ZNF490: variants seen among roughly 807,000 people sequenced by gnomAD.
The protein encoded by ZNF490 is zinc finger protein 490.
A neutral mutation model predicts 17.7 loss-of-function variants in ZNF490; 11 were observed. The observed-to-expected ratio is 0.62, with a 90% CI of 0.39 to 1.03. The LOEUF (loss-of-function observed/expected upper bound fraction) is 1.03. Ranked by LOEUF, ZNF490 falls within the 50% of genes least tolerant of loss-of-function variation. The pLI, the probability that ZNF490 is intolerant of heterozygous loss-of-function variation, is 0.00. For synonymous variants in ZNF490, 222 were observed against 216.1 expected (o/e 1.03, Z -0.24); for missense variants, 542 against 643.4 (o/e 0.84, Z 1.71).
Position 12,610,728 on chromosome 19 carries a change from C to T in ZNF490, c.-48G>A. 6.4e-7 allele frequency: 1 copy of T among 1,567,674 alleles called. No homozygotes were observed. Among genetic ancestry groups the T allele is most frequent in the Non-Finnish European group, 8.8e-7 (1 of 1,142,148 alleles). On this transcript the variant is annotated 5_prime_UTR_variant, in exon 1 of 5. Transcript: ENST00000311437. The stretch of plus-strand genomic sequence containing the variant: ...ACTGCAGGAAGACTTCCGTGTCCGA[C>T]CCGAGATCCGGAACAATTTCTGCTT...
chr19:12,590,921 T>A (rs1302561687), intron 2 of ZNF490, among the ~76,000 whole-genome samples: 4 of 147,474 alleles, frequency 2.7e-5, no homozygotes, highest in Admixed American at 1.4e-4. Context: ...TCTATTTCTT[T>A]AAAAAAAAAA....
intron 2 of ZNF490, among the ~76,000 whole-genome samples, chr19:12,603,424 G>T (rs926776441): frequency 1.8e-4 from 28 of 151,998 alleles, no homozygotes; most frequent in Admixed American, 1.2e-3. Flanking sequence ...GGAAGTCAAG[G>T]CTGCAGTGAG....
chr19:12,610,312 C>A (rs1441437554), intron 1 of ZNF490, among the ~76,000 whole-genome samples: 1 of 147,718 alleles, frequency 6.8e-6, no homozygotes, highest in Admixed American at 6.8e-5. Context: ...CCCCCGACCT[C>A]CCCCACCGCC....
rs868771597 is a variant in ZNF490, at chr19:12,609,159, GT to G, written c.160del (p.Thr54LeufsTer11). On this transcript the variant is annotated frameshift_variant and splice_region_variant, in exon 2 of 5. Transcript: ENST00000311437. LOFTEE classifies it high-confidence loss of function. Reference protein sequence around the residue: ...EHHGQSIKTQTDSISLEDVAV... With the variant: ...EHHGQSIKTQXDSISLEDVAV... ...CTGACAGGTAGCGATCTCACTTACAGTTTGAGTCTTGATGCTTTGTCCATGG... is the reference window on the plus strand; with the variant it reads ...CTGACAGGTAGCGATCTCACTTACAGTTGAGTCTTGATGCTTTGTCCATGG... 1 of 1,614,088 alleles carries G rather than the reference GT, an allele frequency of 6.2e-7. No individual in the cohort carries two copies. The highest frequency in any genetic ancestry group is 1.1e-5 in the South Asian group (1 of 91,078).
intron 3 of ZNF490, 93 bp from the exon 4 acceptor site, chr19:12,583,003 A>T: frequency 9.6e-7 from 1 of 1,037,448 alleles, no homozygotes; most frequent in Non-Finnish European, 1.4e-6. Context: ...TTGATTAGCT[A>T]TGACACTGTC....
chr19:12,583,364 C>G, intron 3 of ZNF490, 66 bp downstream of exon 3: 1 of 1,494,886 alleles, frequency 6.7e-7, no homozygotes, highest in Non-Finnish European at 9.0e-7. Flanking sequence ...AACCTTGGAA[C>G]TCAGTTGTTG....
Position 12,578,325 on chromosome 19 carries a change from C to T in ZNF490, c.*2160G>A. On this transcript the variant is annotated 3_prime_UTR_variant, in exon 5 of 5. Transcript: ENST00000311437. ...CAGAGTGTGTCTGTGACTCCACTAG[C>T]AGTTTTGAGATTATTCTGACTGTGG... is the stretch of plus-strand genomic sequence containing the variant. 1 of 985,580 alleles carries T rather than the reference C, an allele frequency of 1.0e-6. No homozygotes were observed. Among genetic ancestry groups the T allele is most frequent in the Non-Finnish European group, 1.2e-6 (1 of 830,036 alleles). The allele number at this position is 985,580 out of a possible 1,614,324, so 61.1% of individuals were successfully genotyped here.
rs2022677761 is a variant in ZNF490, at chr19:12,578,699, C to T, written c.*1786G>A. On this transcript the variant is annotated 3_prime_UTR_variant, in exon 5 of 5. Transcript: ENST00000311437. ...TCTGACCCGAGGACACTGATGGAAA[C>T]TTAAAAGGCAGATTCTGGGAGTCTT... The T allele has an allele frequency of 1.0e-6, 1 of 985,470 alleles. No individual in the cohort carries two copies. Among genetic ancestry groups the T allele is most frequent in the African/African-American group, 1.7e-5 (1 of 57,372 alleles). 61.0% of individuals were successfully genotyped at this position (985,470 alleles called of 1,614,324 possible).
At chr19:12,596,248 G>T in intron 2 of ZNF490, among the ~76,000 whole-genome samples, 1 of 104,402 alleles carries the variant, frequency 9.6e-6, no homozygotes. Context: ...CTGGGCGACA[G>T]AGAAAGACTC....
At chr19:12,601,306 T>A (rs1403419858) in intron 2 of ZNF490, among the ~76,000 whole-genome samples, 1 of 151,078 alleles carries the variant, frequency 6.6e-6, no homozygotes, top group Non-Finnish European at 1.5e-5. Context: ...GAGAATGGTG[T>A]GAACCCGGGA....
rs1197824634 is a variant in ZNF490, at chr19:12,583,437, G to A, written c.282C>T (p.Ala94=). The A allele has an allele frequency of 1.2e-6, 2 of 1,601,782 alleles. No homozygotes were observed. Among genetic ancestry groups the A allele is most frequent in the East Asian group, 4.5e-5 (2 of 44,066 alleles). Residue 94 remains alanine (A), a synonymous_variant, in exon 3 of 5, where the codon GCC becomes GCT. Transcript: ENST00000311437. ...AAATTATGTCACCCTTACCTATACA[G>A]GCCAGGTTCTTGAAGGTTGCCCGCA... ...DVMRATFKNL[A]CIGEKWKDQD...
At position 12,602,305 on chromosome 19, in the gene ZNF490, G is replaced by A. The variant is rs147334169; in HGVS notation, c.162+6853C>T. On this transcript the variant is annotated intron_variant, in intron 2 of 4. Transcript: ENST00000311437. ...CTCCCGCCTGTAATCCCAGCACTGC[G>A]GGAGGCCGAGGCAGGAGGATTACCT... 3.3e-4 allele frequency among the ~76,000 whole-genome samples: 50 copies of A among 152,100 alleles called. No individual in the cohort carries two copies. The East Asian group carries it at 6.6e-3, about 20-fold the overall frequency.
chr19:12,597,177 G>A, intron 2 of ZNF490: 2 of 459,190 alleles, frequency 4.4e-6, no homozygotes, highest in Non-Finnish European at 4.4e-6. Context: ...GGCTCCAGGA[G>A]TCCTCCCTAC....
chr19:12,591,176 G>C (rs1361106542), intron 2 of ZNF490, among the ~76,000 whole-genome samples: 1 of 151,452 alleles, frequency 6.6e-6, no homozygotes, highest in African/African-American at 2.4e-5. Flanking sequence ...ATGACTTGAG[G>C]TCAGGAATTT....
At chr19:12,591,098 C>T (rs1487982712) in intron 2 of ZNF490, among the ~76,000 whole-genome samples, 1 of 151,728 alleles carries the variant, frequency 6.6e-6, no homozygotes, top group African/African-American at 2.4e-5. Context: ...TAAAAAAGTC[C>T]TGCTCTGGGG....
chr19:12,586,557 T>C (rs1390245248), intron 2 of ZNF490, among the ~76,000 whole-genome samples: 1 of 93,798 alleles, frequency 1.1e-5, no homozygotes, highest in Non-Finnish European at 2.9e-5. Context: ...TTCAACACCA[T>C]GCCCAGATCT....
At position 12,584,457 on chromosome 19, in the gene ZNF490, C is replaced by A. The variant is rs574817056; in HGVS notation, c.163-901G>T. Among the ~76,000 whole-genome samples, 2 of 94,386 alleles carry A rather than the reference C, an allele frequency of 2.1e-5. 1 individual carries two copies. The highest frequency in any genetic ancestry group is 5.5e-4 in the South Asian group (2 of 3,620). 61.9% of individuals were successfully genotyped at this position (94,386 alleles called of 152,430 possible). A position where few individuals can be genotyped will look rare whatever the true frequency, so the allele number is the denominator to read the frequency against. ...AGGCGTGAGCCACCGCGCCCGGCCA[C>A]CTTATTGCTCTTTAAATACAGACCC... On this transcript the variant is annotated intron_variant, in intron 2 of 4. Transcript: ENST00000311437.
intron 2 of ZNF490, among the ~76,000 whole-genome samples, chr19:12,583,820 T>A (rs1261875906): frequency 7.2e-6 from 1 of 138,980 alleles, no homozygotes; most frequent in East Asian, 2.0e-4. Flanking sequence ...TATTTTTTTT[T>A]TTTTTTTTTT....
At chr19:12,608,496 A>G (rs2023100763) in intron 2 of ZNF490, among the ~76,000 whole-genome samples, 1 of 150,104 alleles carries the variant, frequency 6.7e-6, no homozygotes, top group Non-Finnish European at 1.5e-5. Context: ...TTTGAGACAG[A>G]GTTTCACTCT....
Sources: gnomAD v4.1 joint callset for allele counts (sites outside exome capture counted in the v4.1 genomes callset) on GRCh38, gnomAD v4.1.1 for gene constraint, MANE v1.5 for transcripts, NCBI Gene and HGNC (gene_info 2026-07-23, HGNC 2026-07-21) for gene names.